The following ZDHHC14 variants were observed in gnomAD, a reference collection of about 807,000 sequenced individuals.
The protein encoded by ZDHHC14 is zDHHC palmitoyltransferase 14.
Under a neutral mutation model 47.7 loss-of-function variants are expected in ZDHHC14, and 16 were observed. The observed-to-expected ratio is 0.34, with a 90% CI of 0.23 to 0.51. The LOEUF (loss-of-function observed/expected upper bound fraction) is 0.51. ZDHHC14 is among the 20% of genes least tolerant of loss of function. The probability of loss-of-function intolerance (pLI) is 0.97; values close to 1 mark genes in which losing one functional copy is unlikely to be tolerated. For synonymous variants in ZDHHC14, 293 were observed against 278.9 expected, an observed-to-expected ratio of 1.05 and a Z score of -0.50; for missense variants, 515 against 662.5, an observed-to-expected ratio of 0.78 and a Z score of 2.44.
Position 157,502,921 on chromosome 6 carries a change from C to T in ZDHHC14, c.246-39664C>T, listed in dbSNP as rs889470592. 6.6e-6 allele frequency among the ~76,000 whole-genome samples: 1 copy of T among 152,184 alleles called. No homozygotes were observed. Among genetic ancestry groups the T allele is most frequent in the Non-Finnish European group, 1.5e-5 (1 of 68,032 alleles). On this transcript the variant is annotated intron_variant, in intron 1 of 8. Transcript: ENST00000359775. This position sits in a 1 kb window ranked among gnomAD's most constrained non-coding sequence, Gnocchi z 4.0. ...GCCCAGGCTGGTCTCGAACTCCTGTCCTCAAGTGATCAACTTGCCTTGGCT... is the reference window on the plus strand; with the variant it reads ...GCCCAGGCTGGTCTCGAACTCCTGTTCTCAAGTGATCAACTTGCCTTGGCT...
intron 2 of ZDHHC14, among the ~76,000 whole-genome samples, chr6:157,567,130 G>A (rs571635344): frequency 5.3e-5 from 8 of 152,182 alleles, no homozygotes; most frequent in African/African-American, 1.7e-4. Context: ...GAGATTACAC[G>A]CGTGACCCAG....
At chr6:157,497,030 G>T (rs576344363) in intron 1 of ZDHHC14, among the ~76,000 whole-genome samples, 1 of 152,200 alleles carries the variant, frequency 6.6e-6, no homozygotes, top group Non-Finnish European at 1.5e-5. Context: ...GAGTGGGTGG[G>T]TTAGGGAAGG....
chr6:157,617,383 G>C (rs557826543), intron 3 of ZDHHC14, among the ~76,000 whole-genome samples: 1 of 152,004 alleles, frequency 6.6e-6, no homozygotes, highest in African/African-American at 2.4e-5. Context: ...GAGGGTCCTC[G>C]TTCTTTTTGA....
intron 1 of ZDHHC14, among the ~76,000 whole-genome samples, chr6:157,405,484 G>A (rs1014626053): frequency 2.0e-5 from 3 of 152,046 alleles, no homozygotes; most frequent in Non-Finnish European, 2.9e-5. Flanking sequence ...CACCCGCCTT[G>A]GCCTCCCAAA....
At chr6:157,618,563 C>T (rs1403079246) in intron 3 of ZDHHC14, among the ~76,000 whole-genome samples, 2 of 152,110 alleles carry the variant, frequency 1.3e-5, no homozygotes, top group African/African-American at 4.8e-5. Context: ...CTCAAATGAT[C>T]CACCCACCTC....
intron 1 of ZDHHC14, among the ~76,000 whole-genome samples, chr6:157,451,175 T>TCAGAGCTTA (rs1317904897): frequency 6.6e-6 from 1 of 151,906 alleles, no homozygotes; most frequent in East Asian, 1.9e-4. Flanking sequence ...TTGACCTTCT[T>TCAGAGCTTA]CAGAGCTTAC....
intron 3 of ZDHHC14, among the ~76,000 whole-genome samples, chr6:157,606,009 C>T (rs1054123381): frequency 6.6e-6 from 1 of 152,192 alleles, no homozygotes; most frequent in Admixed American, 6.5e-5. Context: ...GATATATATG[C>T]TGAGTACTTT....
intron 7 of ZDHHC14, among the ~76,000 whole-genome samples, chr6:157,649,276 G>A (rs1018753663): frequency 3.9e-5 from 6 of 152,224 alleles, no homozygotes; most frequent in Admixed American, 1.3e-4. Flanking sequence ...GCACTGAAGG[G>A]GCTCCGGGGG....
At chr6:157,430,172 T>C (rs1423649746) in intron 1 of ZDHHC14, among the ~76,000 whole-genome samples, 1 of 151,858 alleles carries the variant, frequency 6.6e-6, no homozygotes, top group Non-Finnish European at 1.5e-5. Flanking sequence ...ACAAATTAGC[T>C]GGGCGTGGTG....
In ZDHHC14 at chr6:157,559,926, T is replaced by C. The variant is rs769706392; in HGVS notation, c.406+17181T>C. Reference sequence around the variant, plus strand: ...ATGGACAGGGCTGCAGGGAGCAAAATAGAAACCTTACTTGAAAATAAACAT... The same window carrying C: ...ATGGACAGGGCTGCAGGGAGCAAAACAGAAACCTTACTTGAAAATAAACAT... On this transcript the variant is annotated intron_variant, in intron 2 of 8. Transcript: ENST00000359775. 1.5e-4 allele frequency among the ~76,000 whole-genome samples: 23 copies of C among 152,064 alleles called. 1 individual carries two copies. The highest frequency in any genetic ancestry group is 2.8e-4 in the Non-Finnish European group (19 of 68,012).
intron 1 of ZDHHC14, among the ~76,000 whole-genome samples, chr6:157,492,208 C>CCCCG (rs1562447333): frequency 6.8e-6 from 1 of 146,912 alleles, no homozygotes; most frequent in African/African-American, 2.5e-5. Flanking sequence ...CCGCCCCCGC[C>CCCCG]CCCCAGCCAC....
At chr6:157,611,151 C>T (rs1295282272) in intron 3 of ZDHHC14, among the ~76,000 whole-genome samples, 1 of 152,160 alleles carries the variant, frequency 6.6e-6, no homozygotes, top group Non-Finnish European at 1.5e-5. Context: ...AGGCACGCGC[C>T]ACCATGCCCA....
chr6:157,619,121 TA>T (rs1785079111), intron 3 of ZDHHC14, among the ~76,000 whole-genome samples: 1 of 151,878 alleles, frequency 6.6e-6, no homozygotes, highest in African/African-American at 2.4e-5. Flanking sequence ...AAAGCAGGGT[TA>T]AAAAACAGGA....
intron 5 of ZDHHC14, among the ~76,000 whole-genome samples, chr6:157,636,296 GCACA>G (rs1162290719): frequency 6.6e-5 from 10 of 150,678 alleles, no homozygotes; most frequent in Admixed American, 4.6e-4. Flanking sequence ...AGCTATAGAC[GCACA>G]CACACACATA....
chr6:157,424,586 G>T (rs113280533), intron 1 of ZDHHC14, among the ~76,000 whole-genome samples: 1,710 of 152,288 alleles, frequency 0.011, 38 homozygotes, highest in African/African-American at 0.04. Context: ...GCTTCGCTTG[G>T]CTATGAACAA....
intron 1 of ZDHHC14, among the ~76,000 whole-genome samples, chr6:157,507,466 G>A (rs1417924150): frequency 2.0e-5 from 3 of 152,036 alleles, no homozygotes; most frequent in Non-Finnish European, 2.9e-5. Flanking sequence ...ATTTTTAGTT[G>A]AGAAGGAGTT....
intron 1 of ZDHHC14, among the ~76,000 whole-genome samples, chr6:157,494,090 A>T (rs1256471349): frequency 1.3e-5 from 2 of 152,224 alleles, no homozygotes; most frequent in African/African-American, 4.8e-5. Context: ...CTTTTGAGCA[A>T]CCTTAGCCAT....
intron 1 of ZDHHC14, chr6:157,529,070 GAC>G (rs1388586864): frequency 6.5e-6 from 1 of 154,674 alleles, no homozygotes; most frequent in Non-Finnish European, 1.5e-5. Context: ...GTGTCTAGGA[GAC>G]ACACTCAGAC....
chr6:157,470,395 A>C (rs1779326327), intron 1 of ZDHHC14, among the ~76,000 whole-genome samples: 1 of 152,262 alleles, frequency 6.6e-6, no homozygotes, highest in South Asian at 2.1e-4. Context: ...GAGATTAAGT[A>C]AACTGACCTA....
Sources: gnomAD v4.1 joint callset for allele counts (sites outside exome capture counted in the v4.1 genomes callset) on GRCh38, gnomAD v4.1.1 for gene constraint, Gnocchi (gnomAD v3.1) non-coding constraint, MANE v1.5 for transcripts, NCBI Gene and HGNC (gene_info 2026-07-23, HGNC 2026-07-21) for gene names.